The following FHIT variants were observed in gnomAD, a reference collection of about 807,000 sequenced individuals.
FHIT encodes fragile histidine triad diadenosine triphosphatase, also known as bis(5'-adenosyl)-triphosphatase.
Under a neutral mutation model 17.9 loss-of-function variants are expected in FHIT, and 19 were observed. The observed-to-expected ratio is 1.06, with a 90% CI of 0.74 to 1.56. The LOEUF is 1.56. Among genes scored for constraint, FHIT ranks in the 40% most tolerant of loss-of-function variants. FHIT has a pLI of 0.00. For missense variants in FHIT, 248 were observed against 189.2 expected, an observed-to-expected ratio of 1.31 and a Z score of -1.82; for synonymous variants, 81 against 69.7, an observed-to-expected ratio of 1.16 and a Z score of -0.81.
At chr3:60,630,955 AAC>A (rs60128215) in intron 4 of FHIT, among the ~76,000 whole-genome samples, 37,095 of 124,768 alleles carry the variant, frequency 0.3, 5,623 homozygotes, top group East Asian at 0.55. Flanking sequence ...AAAAAAAAAA[AAC>A]ACACAGAAAT....
intron 7 of FHIT, among the ~76,000 whole-genome samples, chr3:60,004,046 T>G (rs963803357): frequency 6.6e-6 from 1 of 152,098 alleles, no homozygotes; most frequent in African/African-American, 2.4e-5. Flanking sequence ...TGATTAGTTA[T>G]TGAGCACTAG....
At chr3:60,640,514 G>A (rs2039700374) in intron 4 of FHIT, among the ~76,000 whole-genome samples, 1 of 152,080 alleles carries the variant, frequency 6.6e-6, no homozygotes, top group African/African-American at 2.4e-5. Context: ...ATAGTTACAT[G>A]GGATGTTTAT....
intron 3 of FHIT, among the ~76,000 whole-genome samples, chr3:60,923,134 T>C (rs1707372063): frequency 6.6e-6 from 1 of 152,330 alleles, no homozygotes; most frequent in South Asian, 2.1e-4. Context: ...AAGTGGTTTA[T>C]GGGAATAAAA....
At chr3:60,163,277 T>G (rs1352384356) in intron 5 of FHIT, among the ~76,000 whole-genome samples, 1 of 152,076 alleles carries the variant, frequency 6.6e-6, no homozygotes, top group African/African-American at 2.4e-5. Flanking sequence ...CTCTTTTCTG[T>G]TACAATACAT....
At chr3:60,073,433 A>T (rs537111851) in intron 5 of FHIT, among the ~76,000 whole-genome samples, 1 of 152,144 alleles carries the variant, frequency 6.6e-6, no homozygotes, top group East Asian at 1.9e-4. Flanking sequence ...ATCCTGGGAC[A>T]ACAAACAGCC....
At chr3:60,160,405 A>G (rs1172462447) in intron 5 of FHIT, among the ~76,000 whole-genome samples, 1 of 152,028 alleles carries the variant, frequency 6.6e-6, no homozygotes, top group African/African-American at 2.4e-5. Context: ...CATTTTCCAT[A>G]TTTTTAGAGC....
At chr3:60,396,608 T>C (rs1245337511) in intron 5 of FHIT, among the ~76,000 whole-genome samples, 2 of 152,122 alleles carry the variant, frequency 1.3e-5, no homozygotes, top group African/African-American at 2.4e-5. Flanking sequence ...CCCATGGAGA[T>C]AGAACACAGA....
At chr3:60,456,499 G>A (rs2032102744) in intron 5 of FHIT, among the ~76,000 whole-genome samples, 1 of 152,158 alleles carries the variant, frequency 6.6e-6, no homozygotes, top group African/African-American at 2.4e-5. Flanking sequence ...AACCTATTTA[G>A]TCTCTTGCCC....
chr3:60,019,506 C>T (rs1700474636), intron 5 of FHIT, among the ~76,000 whole-genome samples: 1 of 150,142 alleles, frequency 6.7e-6, no homozygotes, highest in South Asian at 2.1e-4. Context: ...GCAACCTCTG[C>T]TTCCTGGGTT....
chr3:60,185,203 G>C (rs117964899), intron 5 of FHIT, among the ~76,000 whole-genome samples: 1 of 152,056 alleles, frequency 6.6e-6, no homozygotes, highest in Non-Finnish European at 1.5e-5. Flanking sequence ...AATGCAGAAT[G>C]TCAGGTATCC....
intron 7 of FHIT, among the ~76,000 whole-genome samples, chr3:59,941,528 G>C (rs1706517994): frequency 6.6e-6 from 1 of 152,120 alleles, no homozygotes; most frequent in Non-Finnish European, 1.5e-5. Flanking sequence ...ACATTGCATA[G>C]ACTCCTGTTG....
At chr3:60,441,627 T>C (rs1473655102) in intron 5 of FHIT, among the ~76,000 whole-genome samples, 1 of 148,828 alleles carries the variant, frequency 6.7e-6, no homozygotes, top group Non-Finnish European at 1.5e-5. Flanking sequence ...ATTAGGCTAT[T>C]GTCTTATAAA....
chr3:59,755,251 T>TAACA (rs1304040280), intron 8 of FHIT, among the ~76,000 whole-genome samples: 4 of 152,212 alleles, frequency 2.6e-5, no homozygotes, highest in Non-Finnish European at 5.9e-5. Flanking sequence ...TTAGCAACAC[T>TAACA]AACATGCGGA....
At chr3:60,567,011 T>C (rs1462767682) in intron 4 of FHIT, among the ~76,000 whole-genome samples, 4 of 148,494 alleles carry the variant, frequency 2.7e-5, no homozygotes, top group Admixed American at 6.8e-5. Context: ...GAAGAATCAA[T>C]ATCGTGAAAA....
At chr3:60,073,494 C>T (rs954956287) in intron 5 of FHIT, among the ~76,000 whole-genome samples, 10 of 152,020 alleles carry the variant, frequency 6.6e-5, no homozygotes, top group Admixed American at 2.0e-4. Flanking sequence ...TGCTTATGTT[C>T]GTCTCACGTT....
intron 4 of FHIT, among the ~76,000 whole-genome samples, chr3:60,654,572 C>A (rs74778281): frequency 4.7e-3 from 42 of 9,014 alleles, no homozygotes; most frequent in Admixed American, 0.013. Context: ...CCAGCAAAAA[C>A]AAACAAAAAT....
rs1459634783 is a variant in FHIT, at chr3:60,876,911, A to C, written c.-110-54900T>G. ...AGCCACAAAGAGAATGGAAGGAAAC[A>C]TCACAACTCCACCACCCTATCCCCA... On this transcript the variant is annotated intron_variant, in intron 3 of 9. Transcript: ENST00000492590. Among the ~76,000 whole-genome samples the C allele has an allele frequency of 5.9e-5, 9 of 152,320 alleles. No individual in the cohort carries two copies. The East Asian group carries it at 1.2e-3, about 20-fold the overall frequency.
chr3:61,014,915 T>C (rs2032023347), intron 3 of FHIT, among the ~76,000 whole-genome samples: 1 of 149,576 alleles, frequency 6.7e-6, no homozygotes, highest in Non-Finnish European at 1.5e-5. Flanking sequence ...CATATATATA[T>C]GTGTACACAC....
At chr3:61,203,053 G>C (rs577413363) in intron 1 of FHIT, among the ~76,000 whole-genome samples, 1 of 151,982 alleles carries the variant, frequency 6.6e-6, no homozygotes, top group Non-Finnish European at 1.5e-5. Flanking sequence ...GGTACCAGGC[G>C]CCTGTAGTCC....
Sources: gnomAD v4.1 joint callset for allele counts (sites outside exome capture counted in the v4.1 genomes callset) on GRCh38, gnomAD v4.1.1 for gene constraint, MANE v1.5 for transcripts, NCBI Gene and HGNC (gene_info 2026-07-23, HGNC 2026-07-21) for gene names.